The following SHC2 variants were observed in gnomAD, a reference collection of about 807,000 sequenced individuals.
SHC2 encodes the protein SHC-transforming protein 2.
A neutral mutation model predicts 60.6 loss-of-function variants in SHC2; 62 were observed. The observed-to-expected ratio is 1.02, with a 90% CI of 0.83 to 1.26. The LOEUF is 1.26. Among genes scored for constraint, SHC2 ranks in the 50% most tolerant of loss-of-function variants. The pLI is 0.00. For synonymous variants in SHC2, 375 were observed against 372.4 expected, an observed-to-expected ratio of 1.01 and a Z score of -0.08; for missense variants, 873 against 822.2, an observed-to-expected ratio of 1.06 and a Z score of -0.76.
Position 438,033 on chromosome 19 carries a change from G to A in SHC2, c.720+685C>T, listed in dbSNP as rs532766795. Among the ~76,000 whole-genome samples, 5 of 152,256 alleles carry A rather than the reference G, an allele frequency of 3.3e-5. No homozygotes were observed. The highest frequency in any genetic ancestry group is 1.2e-4 in the African/African-American group (5 of 41,546). On this transcript the variant is annotated intron_variant, in intron 4 of 12. Coordinates refer to ENST00000264554, the MANE Select transcript of SHC2 (RefSeq NM_012435.3). The surrounding 1 kb of genome is among the most constrained non-coding windows in gnomAD (Gnocchi z 5.0). ...AGAGTCTCACTCTGTTGCCCAGGCT[G>A]GAGTGCAGTAGTGCAATCTTGGCTC...
At position 460,659 on chromosome 19, in the gene SHC2, GCCCCCCGCC is replaced by G; in HGVS notation, c.329_337del (p.Gly110_Gly112del). 4.4e-6 allele frequency: 5 copies of G among 1,129,036 alleles called. No individual in the cohort carries two copies. Among genetic ancestry groups the G allele is most frequent in the South Asian group, 3.5e-5 (1 of 28,348 alleles). 69.9% of individuals were successfully genotyped at this position (1,129,036 alleles called of 1,614,324 possible). ...GGCGGCGGCGTCCCCGGACCCCGCC[GCCCCCCGCC>G]CGCCCCGCGACCCCCGCGACCCCGC... On this transcript the variant is annotated inframe_deletion, in exon 1 of 13. Transcript: ENST00000264554.
At chr19:420,509 C>G (rs1036419227) in intron 11 of SHC2, among the ~76,000 whole-genome samples, 10 of 152,338 alleles carry the variant, frequency 6.6e-5, no homozygotes, top group Admixed American at 2.0e-4. Context: ...TTCATAAACC[C>G]TAGAACTCCT....
At chr19:457,061 CCGCCTAGAA>C in intron 1 of SHC2, among the ~76,000 whole-genome samples, 1 of 151,346 alleles carries the variant, frequency 6.6e-6, no homozygotes, top group Admixed American at 6.6e-5. Context: ...CTGCTGTGCC[CCGCCTAGAA>C]CTCTGTCTGC....
intron 8 of SHC2, among the ~76,000 whole-genome samples, chr19:431,267 A>G (rs978933877): frequency 2.6e-5 from 4 of 151,196 alleles, no homozygotes; most frequent in Non-Finnish European, 4.4e-5. Context: ...CCGGGCAGAT[A>G]GATGGCGCTT....
intron 9 of SHC2, among the ~76,000 whole-genome samples, chr19:429,837 A>C (rs1769743379): frequency 6.7e-6 from 1 of 149,088 alleles, no homozygotes; most frequent in South Asian, 2.1e-4. Context: ...CAGTACCTAT[A>C]CCCAACACGC....
In SHC2 at chr19:437,670, C is replaced by G. The variant is rs147435716; in HGVS notation, c.721-987G>C. Reference sequence around the variant, plus strand: ...TGCGTGGAAATGGCCCTCAGTCACCCCCCCGCCAGCTCCATCCTTCTCTAG... The same window carrying G: ...TGCGTGGAAATGGCCCTCAGTCACCGCCCCGCCAGCTCCATCCTTCTCTAG... On this transcript the variant is annotated intron_variant, in intron 4 of 12. Transcript: ENST00000264554. Among the ~76,000 whole-genome samples, 829 of 152,192 alleles carry G rather than the reference C, an allele frequency of 5.4e-3. 3 individuals are homozygous for G. The highest frequency in any genetic ancestry group is 7.8e-3 in the African/African-American group (322 of 41,502).
chr19:452,879 G>C (rs1041616028), intron 1 of SHC2, among the ~76,000 whole-genome samples: 7 of 152,158 alleles, frequency 4.6e-5, no homozygotes, highest in African/African-American at 1.7e-4. Flanking sequence ...TTTGCAACAG[G>C]TTCCCAGATG....
At chr19:455,286 G>A (rs1012839045) in intron 1 of SHC2, among the ~76,000 whole-genome samples, 1 of 152,024 alleles carries the variant, frequency 6.6e-6, no homozygotes, top group East Asian at 1.9e-4. Context: ...AGCCCTAAAG[G>A]CATCGCGAGT....
rs903681276 is a variant in SHC2 at position 460,631 on chromosome 19, G to C, written c.366C>G (p.Ala122=). 6 of 1,308,566 alleles carry C rather than the reference G, an allele frequency of 4.6e-6. No individual in the cohort carries two copies. The South Asian group carries it at 1.2e-4, about 25-fold the overall frequency. 81.1% of individuals were successfully genotyped at this position (1,308,566 alleles called of 1,614,324 possible). A position where few individuals can be genotyped will look rare whatever the true frequency, so the allele number is the denominator to read the frequency against. The change falls in exon 1 of 13, where the codon GCC becomes GCG. Residue 122 remains alanine (A), a synonymous_variant. Transcript: ENST00000264554. ...GAAGSGDAAA[A]AEWIRKGSFI... Reference sequence around the variant, plus strand: ...AGCTGCCCTTCCGGATCCACTCGGCGGCGGCGGCGGCGTCCCCGGACCCCG... The same window carrying C: ...AGCTGCCCTTCCGGATCCACTCGGCCGCGGCGGCGGCGTCCCCGGACCCCG...
Position 438,894 on chromosome 19 carries a change from TC to T in SHC2, c.601-58del. 1 of 1,552,056 alleles carries T rather than the reference TC, an allele frequency of 6.4e-7. No individual in the cohort carries two copies. The highest frequency in any genetic ancestry group is 8.7e-7 in the Non-Finnish European group (1 of 1,146,882). On this transcript the variant is annotated intron_variant, in intron 3 of 12. Transcript: ENST00000264554. The surrounding 1 kb of genome is among the most constrained non-coding windows in gnomAD (Gnocchi z 5.0). ...CTGTGGGTGGGGGCTGTCGAGGGGCTCCCAGGATGGCCGCAGCGTCCCCACA... is the reference window on the plus strand; with the variant it reads ...CTGTGGGTGGGGGCTGTCGAGGGGCTCCAGGATGGCCGCAGCGTCCCCACA...
chr19:431,672 CATCGTGAGTGAG>C (rs1974601254), intron 8 of SHC2, among the ~76,000 whole-genome samples: 1 of 19,440 alleles, frequency 5.1e-5, no homozygotes, highest in Non-Finnish European at 7.4e-5. Context: ...GATGGCGCTT[CATCGTGAGTGAG>C]ATCGTGAGTG....
At position 418,663 on chromosome 19, in the gene SHC2, C is replaced by G. The variant is rs566312323; in HGVS notation, c.*5+260G>C. On this transcript the variant is annotated intron_variant, in intron 12 of 12. Transcript: ENST00000264554. ...GAAATGTCCAGGACAGGCCCATCCA[C>G]AGAGACAGGAGGCGGATGTGTGGGG... 1.0e-3 allele frequency among the ~76,000 whole-genome samples: 155 copies of G among 152,252 alleles called. 1 individual carries two copies. Among genetic ancestry groups the G allele is most frequent in the African/African-American group, 3.4e-3 (143 of 41,514 alleles).
intron 9 of SHC2, among the ~76,000 whole-genome samples, chr19:429,374 G>A (rs1272402284): frequency 2.0e-5 from 3 of 148,970 alleles, no homozygotes; most frequent in Non-Finnish European, 3.0e-5. Flanking sequence ...ACCTAACACC[G>A]TGTGGATGAC....
Position 422,479 on chromosome 19 carries a change from C to A in SHC2, c.1310-23G>T. The stretch of plus-strand genomic sequence containing the variant: ...GTCCTGCAGGCCAGGGACAGGAGTG[C>A]TGGGCAGGCAGGGGGCAAGCAGCTA... On this transcript the variant is annotated intron_variant, in intron 10 of 12. Transcript: ENST00000264554. The surrounding 1 kb of genome is among the most constrained non-coding windows in gnomAD (Gnocchi z 5.0). 6.7e-7 allele frequency: 1 copy of A among 1,489,142 alleles called. No individual in the cohort carries two copies. The allele number at this position is 1,489,142 out of a possible 1,614,324, so 92.2% of individuals were successfully genotyped here. A position where few individuals can be genotyped will look rare whatever the true frequency, so the allele number is the denominator to read the frequency against.
chr19:444,849 A>ACGTGGTCTGTTAATCC (rs1442767141), intron 1 of SHC2, among the ~76,000 whole-genome samples: 4 of 152,238 alleles, frequency 2.6e-5, no homozygotes, highest in Non-Finnish European at 5.9e-5. Context: ...CACACTGTGC[A>ACGTGGTCTGTTAATCC]CGTGGTCTGT....
intron 4 of SHC2, among the ~76,000 whole-genome samples, chr19:437,763 G>A (rs1974759571): frequency 6.6e-6 from 1 of 151,930 alleles, no homozygotes; most frequent in African/African-American, 2.4e-5. Context: ...CAGAGATGCT[G>A]TCTCACCCCA....
In SHC2 at chr19:445,940, AG is replaced by A. The variant is rs1449034472; in HGVS notation, c.469-5009del. ...GTGGTGGTTGCATGCCTGTAATCCC[AG>A]CTACTTGGGAGGCTGAGGCAGGAGA... On this transcript the variant is annotated intron_variant, in intron 1 of 12. Transcript: ENST00000264554. This position sits in a 1 kb window ranked among gnomAD's most constrained non-coding sequence, Gnocchi z 4.4. 1.3e-5 allele frequency among the ~76,000 whole-genome samples: 2 copies of A among 152,092 alleles called. No individual in the cohort carries two copies. Among genetic ancestry groups the A allele is most frequent in the Non-Finnish European group, 2.9e-5 (2 of 68,018 alleles).
At chr19:448,664 C>A (rs532684478) in intron 1 of SHC2, among the ~76,000 whole-genome samples, 2 of 152,152 alleles carry the variant, frequency 1.3e-5, no homozygotes, top group Non-Finnish European at 2.9e-5. Context: ...ACCCGGGGGC[C>A]TCCTGACACG....
chr19:421,715 T>C (rs1752954954), intron 11 of SHC2, among the ~76,000 whole-genome samples: 1 of 152,098 alleles, frequency 6.6e-6, no homozygotes, highest in African/African-American at 2.4e-5. Context: ...GGCCAGGAGC[T>C]GGGGACCAGC....
Sources: gnomAD v4.1 joint callset for allele counts (sites outside exome capture counted in the v4.1 genomes callset) on GRCh38, gnomAD v4.1.1 for gene constraint, Gnocchi (gnomAD v3.1) non-coding constraint, MANE v1.5 for transcripts, NCBI Gene and HGNC (gene_info 2026-07-23, HGNC 2026-07-21) for gene names.